METTL8: variants seen among roughly 807,000 people sequenced by gnomAD.
The protein encoded by METTL8 is tRNA N(3)-cytidine methyltransferase METTL8, mitochondrial.
A neutral mutation model predicts 48.7 loss-of-function variants in METTL8; 32 were observed. That is an observed-to-expected ratio of 0.66 (90% confidence interval 0.50 to 0.88). METTL8 has a LOEUF of 0.88. Among genes scored for constraint, METTL8 ranks in the 40% least tolerant of loss-of-function variants. The pLI is 0.00. For missense variants in METTL8, 464 were observed against 474.4 expected (o/e 0.98, Z 0.20); for synonymous variants, 136 against 157.1 (o/e 0.87, Z 1.01).
chr2:171,389,768 A>G (rs1688417999), intron 2 of METTL8, among the ~76,000 whole-genome samples: 1 of 152,170 alleles, frequency 6.6e-6, no homozygotes, highest in Non-Finnish European at 1.5e-5. Context: ...CATGAGGTTT[A>G]AGGAAAGAAG....
rs1684597861 is a variant in METTL8 at position 171,322,817 on chromosome 2, G to A, written c.*1355C>T. ...AGGCAGAGCAGCCCCAAGGGCTACT[G>A]GTTGCCCATTTTTAAGGTTATTTCT... On this transcript the variant is annotated 3_prime_UTR_variant, in exon 10 of 10. Coordinates refer to ENST00000375258, the MANE Select transcript of METTL8 (RefSeq NM_001321154.2). 1 of 151,702 alleles carries A rather than the reference G, an allele frequency of 6.6e-6. No homozygotes were observed. The highest frequency in any genetic ancestry group is 2.4e-5 in the African/African-American group (1 of 41,276). 9.4% of individuals were successfully genotyped at this position (151,702 alleles called of 1,614,324 possible).
At chr2:171,343,552 T>C (rs1485041008) in intron 3 of METTL8, among the ~76,000 whole-genome samples, 2 of 152,154 alleles carry the variant, frequency 1.3e-5, no homozygotes, top group Non-Finnish European at 2.9e-5. Flanking sequence ...ATTTATTTTA[T>C]AGTCATTCAT....
chr2:171,406,599 C>A (rs1186356532), intron 1 of METTL8, among the ~76,000 whole-genome samples: 1 of 152,120 alleles, frequency 6.6e-6, no homozygotes, highest in African/African-American at 2.4e-5. Flanking sequence ...TGAATTAGGG[C>A]CTCACTCCTA....
At chr2:171,397,191 T>A in intron 1 of METTL8, among the ~76,000 whole-genome samples, 2 of 149,200 alleles carry the variant, frequency 1.3e-5, no homozygotes, top group Non-Finnish European at 1.5e-5. Context: ...AAGAAGGAAA[T>A]AATAAAAAAT....
Position 171,326,146 on chromosome 2 carries a change from A to G in METTL8, c.863T>C (p.Met288Thr), listed in dbSNP as rs1187213494. Residue 288 changes from methionine (M) to threonine (T), a missense_variant and splice_region_variant, in exon 8 of 10, where the codon ATG (methionine) becomes ACG (threonine). Physicochemically the swap from Met to Thr is moderately conservative, Grantham distance 81 (BLOSUM62 -1). Transcript: ENST00000375258. ...GGACAGTCGGTTTACAACACCTTGC[A>G]TCCTTTGGAAACAAAGTATTAAAAA... is the stretch of plus-strand genomic sequence containing the variant. ...FVLSSIHPDR[M>T]QGVVNRLSKL... The G allele has an allele frequency of 2.7e-6, 4 of 1,500,410 alleles. No homozygotes were observed. The highest frequency in any genetic ancestry group is 2.5e-5 in the South Asian group (2 of 80,770). 92.9% of individuals were successfully genotyped at this position (1,500,410 alleles called of 1,614,324 possible). A position where few individuals can be genotyped will look rare whatever the true frequency, so the allele number is the denominator to read the frequency against.
intron 1 of METTL8, among the ~76,000 whole-genome samples, chr2:171,426,781 A>G (rs1007362114): frequency 6.6e-6 from 1 of 152,212 alleles, no homozygotes; most frequent in African/African-American, 2.4e-5. Flanking sequence ...AGTGACTTGC[A>G]CCTGGACTAC....
At chr2:171,429,705 A>G (rs940848349) in intron 1 of METTL8, among the ~76,000 whole-genome samples, 5 of 152,200 alleles carry the variant, frequency 3.3e-5, no homozygotes, top group Non-Finnish European at 7.4e-5. Context: ...AAAGGTTTTA[A>G]GTTAACAATG....
chr2:171,427,874 T>C (rs1449956323), intron 1 of METTL8, among the ~76,000 whole-genome samples: 2 of 152,220 alleles, frequency 1.3e-5, no homozygotes, highest in Non-Finnish European at 2.9e-5. Flanking sequence ...CTGCACATTA[T>C]GGATGAAAAA....
Position 171,412,579 on chromosome 2 carries a change from C to CT in METTL8, c.-12-20383dup, listed in dbSNP as rs569029930. Reference sequence around the variant, plus strand: ...ATGATAATATCAACATATTATTTGCCTTAAAAAAAAAAAACACTGTAGTGC... The same window carrying CT: ...ATGATAATATCAACATATTATTTGCCTTTAAAAAAAAAAAACACTGTAGTGC... On this transcript the variant is annotated intron_variant, in intron 1 of 9. Coordinates refer to ENST00000375258, the MANE Select transcript of METTL8 (RefSeq NM_001321154.2). Among the ~76,000 whole-genome samples, 45 of 150,590 alleles carry CT rather than the reference C, an allele frequency of 3.0e-4. No homozygotes were observed. In the South Asian group the frequency reaches 4.6e-3, roughly 15 times the overall value.
At chr2:171,335,889 C>T (rs940585237) in intron 5 of METTL8, among the ~76,000 whole-genome samples, 16 of 151,992 alleles carry the variant, frequency 1.1e-4, no homozygotes, top group East Asian at 1.9e-4. Flanking sequence ...TGTTCTGCAA[C>T]GTGCTAATGC....
chr2:171,356,952 A>ATGT lies in METTL8; in HGVS notation c.235+3469_235+3470insACA. Among the ~76,000 whole-genome samples the ATGT allele has an allele frequency of 5.4e-4, 42 of 78,488 alleles. 9 individuals carry two copies. The highest frequency in any genetic ancestry group is 3.4e-3 in the East Asian group (8 of 2,320). 51.5% of individuals were successfully genotyped at this position (78,488 alleles called of 152,430 possible). A position where few individuals can be genotyped will look rare whatever the true frequency, so the allele number is the denominator to read the frequency against. On this transcript the variant is annotated intron_variant, in intron 3 of 9. Transcript: ENST00000375258. Reference sequence around the variant, plus strand: ...CAAATTAGCCTTGTTCAAAGACAATATTTTTTTTTTTTTTTTTGAGACAGG... The same window carrying ATGT: ...CAAATTAGCCTTGTTCAAAGACAATATGTTTTTTTTTTTTTTTTTTGAGACAGG...
intron 1 of METTL8, among the ~76,000 whole-genome samples, chr2:171,424,125 G>A (rs977605947): frequency 2.0e-5 from 3 of 152,198 alleles, no homozygotes; most frequent in South Asian, 2.1e-4. Flanking sequence ...TTGGGCCTGC[G>A]GGTGCACAGA....
intron 1 of METTL8, among the ~76,000 whole-genome samples, chr2:171,395,814 A>G (rs1164435261): frequency 6.6e-6 from 1 of 152,256 alleles, no homozygotes; most frequent in African/African-American, 2.4e-5. Context: ...TCTAAAAATC[A>G]AAAAGGATAA....
intron 2 of METTL8, among the ~76,000 whole-genome samples, chr2:171,371,884 T>C (rs1052593622): frequency 1.6e-4 from 24 of 150,078 alleles, no homozygotes; most frequent in Non-Finnish European, 3.4e-4. Flanking sequence ...GAGACGGGTC[T>C]TGCTTTGTTG....
At chr2:171,391,344 T>C (rs1699848798) in intron 2 of METTL8, among the ~76,000 whole-genome samples, 1 of 152,258 alleles carries the variant, frequency 6.6e-6, no homozygotes, top group African/African-American at 2.4e-5. Context: ...ACTCACTTTA[T>C]TGCAATATTT....
At position 171,341,530 on chromosome 2, in the gene METTL8, C is replaced by T. The variant is rs756428019; in HGVS notation, c.236-1976G>A. ...CTGGGATTACAGGCGTGAGCTACTGCGCCTGGCACGTTCCTTTTTTTTCCC... is the reference window on the plus strand; with the variant it reads ...CTGGGATTACAGGCGTGAGCTACTGTGCCTGGCACGTTCCTTTTTTTTCCC... On this transcript the variant is annotated intron_variant, in intron 3 of 9. Transcript: ENST00000375258. 7.5e-4 allele frequency among the ~76,000 whole-genome samples: 113 copies of T among 151,184 alleles called. 2 individuals carry two copies. Among genetic ancestry groups the T allele is most frequent in the Admixed American group, 1.2e-3 (19 of 15,218 alleles).
At chr2:171,356,459 G>A (rs1465519557) in intron 3 of METTL8, among the ~76,000 whole-genome samples, 1 of 152,080 alleles carries the variant, frequency 6.6e-6, no homozygotes, top group Non-Finnish European at 1.5e-5. Context: ...ATTTTGAAAT[G>A]TTCAGTAGAT....
At chr2:171,335,719 C>T (rs567834574) in intron 5 of METTL8, among the ~76,000 whole-genome samples, 1 of 152,238 alleles carries the variant, frequency 6.6e-6, no homozygotes, top group Non-Finnish European at 1.5e-5. Flanking sequence ...GCCACCGCAC[C>T]AGGCCCCAGA....
intron 2 of METTL8, among the ~76,000 whole-genome samples, chr2:171,385,574 T>C (rs1423112099): frequency 6.6e-6 from 1 of 152,238 alleles, no homozygotes; most frequent in Non-Finnish European, 1.5e-5. Context: ...AAAGTTTTTA[T>C]TGCTGCTCTT....
Sources: gnomAD v4.1 joint callset for allele counts (sites outside exome capture counted in the v4.1 genomes callset) on GRCh38, gnomAD v4.1.1 for gene constraint, MANE v1.5 for transcripts, NCBI Gene and HGNC (gene_info 2026-07-23, HGNC 2026-07-21) for gene names.